The following WDR20 variants were observed in gnomAD, a reference collection of about 807,000 sequenced individuals.
The protein encoded by WDR20 is WD repeat-containing protein 20.
A neutral mutation model predicts 38.7 loss-of-function variants in WDR20; 3 were observed. The observed-to-expected ratio is 0.08, with a 90% CI of 0.04 to 0.20. WDR20 has a LOEUF of 0.20. Ranked by LOEUF, WDR20 falls within the 10% of genes least tolerant of loss-of-function variation. The probability of loss-of-function intolerance (pLI) is 1.00; values close to 1 mark genes in which losing one functional copy is unlikely to be tolerated. For synonymous variants in WDR20, 298 were observed against 285.6 expected (o/e 1.04, Z -0.44); for missense variants, 559 against 727.7 (o/e 0.77, Z 2.67).
chr14:102,204,437 C>T (rs1280190980), intron 2 of WDR20, among the ~76,000 whole-genome samples: 6 of 152,206 alleles, frequency 3.9e-5, no homozygotes, highest in Non-Finnish European at 8.8e-5. Context: ...TTCTCCACAG[C>T]ACTTATCATC....
intron 2 of WDR20, among the ~76,000 whole-genome samples, chr14:102,204,217 C>A (rs573252018): frequency 6.6e-6 from 1 of 152,244 alleles, no homozygotes; most frequent in Admixed American, 6.5e-5. Context: ...CTGTGTCTCT[C>A]CGCCTCGGAG....
intron 1 of WDR20, among the ~76,000 whole-genome samples, chr14:102,149,107 A>T (rs1447884688): frequency 1.3e-5 from 2 of 152,254 alleles, no homozygotes; most frequent in East Asian, 3.9e-4. Flanking sequence ...GCTTGCAGTG[A>T]GCTGAGATCG....
intron 2 of WDR20, among the ~76,000 whole-genome samples, chr14:102,200,465 T>TGTG (rs1555400497): frequency 2.2e-3 from 221 of 98,670 alleles, no homozygotes; most frequent in Non-Finnish European, 2.8e-3. Context: ...AAATTTTTTT[T>TGTG]TTTGTGTGTG....
chr14:102,207,573 G>A lies in WDR20; in HGVS notation c.433-1030G>A, dbSNP rs564383049. Among the ~76,000 whole-genome samples, 69 of 152,306 alleles carry A rather than the reference G, an allele frequency of 4.5e-4. No homozygotes were observed. The highest frequency in any genetic ancestry group is 1.5e-3 in the African/African-American group (64 of 41,576). ...CCTAAAGGGACACTGTTACTGGGGCGATGGTGCAGTGGAGAGCACTTGGCA... is the reference window on the plus strand; with the variant it reads ...CCTAAAGGGACACTGTTACTGGGGCAATGGTGCAGTGGAGAGCACTTGGCA... On this transcript the variant is annotated intron_variant, in intron 2 of 2. Transcript: ENST00000342702. This position sits in a 1 kb window ranked among gnomAD's most constrained non-coding sequence, Gnocchi z 5.0.
At chr14:102,141,197 C>T (rs558657307) in intron 1 of WDR20, among the ~76,000 whole-genome samples, 2 of 152,286 alleles carry the variant, frequency 1.3e-5, no homozygotes, top group South Asian at 4.1e-4. Flanking sequence ...ATGCATCCCA[C>T]AGCACCTCCA....
chr14:102,173,905 G>A (rs137870784), intron 1 of WDR20, among the ~76,000 whole-genome samples: 1 of 151,928 alleles, frequency 6.6e-6, no homozygotes, highest in Non-Finnish European at 1.5e-5. Flanking sequence ...TTAGCTGGGC[G>A]TGGTGGCGGG....
exon 4 of WDR20, chr14:102,223,166 T>C: frequency 4.3e-6 from 1 of 232,654 alleles, no homozygotes; most frequent in South Asian, 7.2e-5. Context: ...TTAAATTTCA[T>C]ATATATATAA....
chr14:102,159,322 C>G (rs907732136), intron 1 of WDR20, among the ~76,000 whole-genome samples: 2 of 152,128 alleles, frequency 1.3e-5, no homozygotes, highest in Non-Finnish European at 2.9e-5. Flanking sequence ...CAAAGCACCT[C>G]TAGTTGTTTA....
intron 1 of WDR20, among the ~76,000 whole-genome samples, chr14:102,162,920 AT>A (rs2059053412): frequency 6.6e-6 from 1 of 152,088 alleles, no homozygotes; most frequent in Non-Finnish European, 1.5e-5. Context: ...CCCTTAGATA[AT>A]CTTTCAAAAT....
chr14:102,211,173 T>C (rs943378290), downstream of WDR20, among the ~76,000 whole-genome samples: 1 of 152,170 alleles, frequency 6.6e-6, no homozygotes, highest in Non-Finnish European at 1.5e-5. The surrounding 1 kb of genome is among the most constrained non-coding windows in gnomAD (Gnocchi z 4.2). Context: ...ATGTATTCCA[T>C]GTCAAGATGG....
At chr14:102,206,061 C>T (rs931949038) in intron 2 of WDR20, among the ~76,000 whole-genome samples, 3 of 152,152 alleles carry the variant, frequency 2.0e-5, no homozygotes, top group Non-Finnish European at 2.9e-5. Context: ...TGGCTCACTG[C>T]ACACAGCCAC....
chr14:102,224,335 C>T (rs577078094), downstream of WDR20, among the ~76,000 whole-genome samples: 22 of 152,136 alleles, frequency 1.4e-4, no homozygotes, highest in African/African-American at 4.6e-4. Context: ...CCACTGCGCC[C>T]GGCCTTACCT....
At chr14:102,203,467 C>T (rs1418876810) in intron 2 of WDR20, among the ~76,000 whole-genome samples, 1 of 152,106 alleles carries the variant, frequency 6.6e-6, no homozygotes, top group Non-Finnish European at 1.5e-5. Context: ...GGAGTGCAAG[C>T]GTCAGGGTCC....
intron 1 of WDR20, among the ~76,000 whole-genome samples, chr14:102,188,691 G>A (rs1320549263): frequency 6.6e-6 from 1 of 150,640 alleles, no homozygotes; most frequent in Non-Finnish European, 1.5e-5. Flanking sequence ...AACATGGCAA[G>A]ACACTGTCTC....
At chr14:102,217,979 T>C (rs2063427723), downstream of WDR20, among the ~76,000 whole-genome samples, 1 of 152,230 alleles carries the variant, frequency 6.6e-6, no homozygotes, top group African/African-American at 2.4e-5. Flanking sequence ...GGGCCAAGGC[T>C]GGCCTTCTCC....
chr14:102,201,003 C>CA lies in WDR20; in HGVS notation c.432+5886dup, dbSNP rs554275958. On this transcript the variant is annotated intron_variant, in intron 2 of 2. Coordinates refer to ENST00000342702, the MANE Select transcript of WDR20 (RefSeq NM_144574.4). Reference sequence around the variant, plus strand: ...TAGCAGTGTTCTGTCTATTCTGATACAAAGGAATGGTCTGCACATTTTGTT... The same window carrying CA: ...TAGCAGTGTTCTGTCTATTCTGATACAAAAGGAATGGTCTGCACATTTTGTT... Among the ~76,000 whole-genome samples the CA allele has an allele frequency of 2.0e-5, 3 of 152,324 alleles. No homozygotes were observed. In the South Asian group the frequency reaches 6.2e-4, roughly 32 times the overall value.
At chr14:102,200,407 C>G (rs1596749138) in intron 2 of WDR20, among the ~76,000 whole-genome samples, 1 of 151,798 alleles carries the variant, frequency 6.6e-6, no homozygotes, top group Non-Finnish European at 1.5e-5. Flanking sequence ...CGGTCACATT[C>G]AGCTCACTGT....
At position 102,192,789 on chromosome 14, in the gene WDR20, T is replaced by C. The variant is rs115433105; in HGVS notation, c.250-2149T>C. Among the ~76,000 whole-genome samples the C allele has an allele frequency of 4.6e-3, 693 of 152,290 alleles. 6 individuals carry two copies. Among genetic ancestry groups the C allele is most frequent in the African/African-American group, 0.015 (642 of 41,564 alleles). ...GTATTTCAGCGCATAATTTTAGGTA[T>C]ATTCTTTCAGGGGAAAGTTCCCTAA... On this transcript the variant is annotated intron_variant, in intron 1 of 2. Transcript: ENST00000342702.
intron 1 of WDR20, among the ~76,000 whole-genome samples, chr14:102,190,643 A>C (rs912161808): frequency 6.6e-6 from 1 of 151,592 alleles, no homozygotes; most frequent in East Asian, 1.9e-4. Context: ...GTTGGGGAGG[A>C]TGGGGCTGAA....
Sources: gnomAD v4.1 joint callset for allele counts (sites outside exome capture counted in the v4.1 genomes callset) on GRCh38, gnomAD v4.1.1 for gene constraint, Gnocchi (gnomAD v3.1) non-coding constraint, MANE v1.5 for transcripts, NCBI Gene and HGNC (gene_info 2026-07-23, HGNC 2026-07-21) for gene names.